Variants in ATOH8 observed in about 807,000 individuals in gnomAD.
ATOH8 encodes the protein atonal bHLH transcription factor 8, also known as transcription factor ATOH8.
In ATOH8, 9 loss-of-function variants were observed where a neutral mutation model predicts 21.2. The observed-to-expected ratio is 0.42, with a 90% CI of 0.26 to 0.74. The LOEUF is 0.74. ATOH8 is among the 30% of genes least tolerant of loss of function. The pLI is 0.24. For synonymous variants in ATOH8, 253 were observed against 224.0 expected (o/e 1.13, Z -1.16); for missense variants, 524 against 470.9 (o/e 1.11, Z -1.04).
intron 2 of ATOH8, among the ~76,000 whole-genome samples, chr2:85,765,427 C>T (rs1449655434): frequency 2.6e-5 from 4 of 152,224 alleles, no homozygotes; most frequent in African/African-American, 9.7e-5. Context: ...GGTAACTGCA[C>T]GTTGCATTCC....
At chr2:85,780,231 A>G (rs946940176) in intron 2 of ATOH8, 6 of 152,210 alleles carry the variant, frequency 3.9e-5, no homozygotes, top group African/African-American at 9.7e-5. Context: ...TGTGGAGTAC[A>G]TGGTAGGTGC....
Position 85,759,603 on chromosome 2 carries a change from G to A in ATOH8, c.769-4388G>A, listed in dbSNP as rs116503149. On this transcript the variant is annotated intron_variant, in intron 1 of 2. Transcript: ENST00000306279. Reference sequence around the variant, plus strand: ...AGCCTGGTGGCAGTGCAGGAGGCTGGGATTTTAAAGAACCTATTTAGATAG... The same window carrying A: ...AGCCTGGTGGCAGTGCAGGAGGCTGAGATTTTAAAGAACCTATTTAGATAG... Among the ~76,000 whole-genome samples the A allele has an allele frequency of 4.4e-3, 671 of 152,188 alleles. 5 individuals carry two copies. Among genetic ancestry groups the A allele is most frequent in the African/African-American group, 0.015 (628 of 41,506 alleles).
At chr2:85,774,582 C>T in intron 2 of ATOH8, 2 of 985,630 alleles carry the variant, frequency 2.0e-6, no homozygotes, top group Non-Finnish European at 2.4e-6. Flanking sequence ...CCTGTCTTAG[C>T]TGCCCTGGCT....
intron 1 of ATOH8, among the ~76,000 whole-genome samples, chr2:85,763,651 C>T (rs1232203283): frequency 6.6e-6 from 1 of 152,166 alleles, no homozygotes; most frequent in Admixed American, 6.5e-5. Context: ...AAATGCCTCT[C>T]AGGAATCTCA....
At chr2:85,757,217 A>G (rs1679729305) in intron 1 of ATOH8, among the ~76,000 whole-genome samples, 1 of 152,252 alleles carries the variant, frequency 6.6e-6, no homozygotes, top group African/African-American at 2.4e-5. Flanking sequence ...AAGGAAAGAA[A>G]TACAGCCAGG....
Position 85,790,748 on chromosome 2 carries a change from TTGCCGGTG to T in ATOH8, c.*3859_*3866del, listed in dbSNP as rs1426822660. 1.3e-5 allele frequency among the ~76,000 whole-genome samples: 2 copies of T among 152,194 alleles called. No individual in the cohort carries two copies. The highest frequency in any genetic ancestry group is 2.9e-5 in the Non-Finnish European group (2 of 68,026). ...ACAGAGCTCCTCTGTGCTCAAGAGC[TTGCCGGTG>T]AGCCTGGACGGAGGCATAGGTGCAG... On this transcript the variant is annotated 3_prime_UTR_variant, in exon 3 of 3. Coordinates refer to ENST00000306279, the MANE Select transcript of ATOH8 (RefSeq NM_032827.7).
Position 85,787,052 on chromosome 2 carries a change from C to T in ATOH8, c.*162C>T, listed in dbSNP as rs554540973. On this transcript the variant is annotated 3_prime_UTR_variant, in exon 3 of 3. Transcript: ENST00000306279. ...GTCGGATCGGAGCACGCCTGCCTCC[C>T]TCTCCCCTCCGCCCTCACCCAGCCA... 1.2e-6 allele frequency: 1 copy of T among 853,326 alleles called. No individual in the cohort carries two copies. Among genetic ancestry groups the T allele is most frequent in the East Asian group, 2.7e-5 (1 of 36,944 alleles). The allele number at this position is 853,326 out of a possible 1,614,324, so 52.9% of individuals were successfully genotyped here.
chr2:85,784,932 G>C lies in ATOH8; in HGVS notation c.961-1953G>C, dbSNP rs572570235. 1.5e-4 allele frequency among the ~76,000 whole-genome samples: 23 copies of C among 152,360 alleles called. 1 individual carries two copies. The Middle Eastern group carries it at 0.017, about 113-fold the overall frequency. On this transcript the variant is annotated intron_variant, in intron 2 of 2. Transcript: ENST00000306279. ...ATGTATGTGCTGAGATTCTTGGACC[G>C]AGGTGGTGGTGGTCCAGTGTAGACG... is the stretch of plus-strand genomic sequence containing the variant.
chr2:85,765,984 C>T (rs138233519), intron 2 of ATOH8, among the ~76,000 whole-genome samples: 68 of 152,290 alleles, frequency 4.5e-4, no homozygotes, highest in African/African-American at 1.5e-3. Context: ...TGGTTAAGAG[C>T]ATAGCACAGC....
intron 2 of ATOH8, among the ~76,000 whole-genome samples, chr2:85,767,087 T>C (rs1027785683): frequency 4.6e-5 from 7 of 152,156 alleles, no homozygotes; most frequent in African/African-American, 1.2e-4. Context: ...CATCTTTAGA[T>C]GTGTCCTGGC....
At position 85,788,237 on chromosome 2, in the gene ATOH8, C is replaced by T. The variant is rs1370256337; in HGVS notation, c.*1347C>T. On this transcript the variant is annotated 3_prime_UTR_variant, in exon 3 of 3. Coordinates refer to ENST00000306279, the MANE Select transcript of ATOH8 (RefSeq NM_032827.7). ...TGTGGAAGGGGGTGGAGGGCGGTTC[C>T]CACAGTAGTCTCAGCCTGGACTAGT... 2.6e-5 allele frequency among the ~76,000 whole-genome samples: 4 copies of T among 151,824 alleles called. No homozygotes were observed. The highest frequency in any genetic ancestry group is 5.9e-5 in the Non-Finnish European group (4 of 67,952).
chr2:85,764,290 A>G (rs1259519464), intron 2 of ATOH8, 108 bp downstream of exon 2: 1 of 1,406,282 alleles, frequency 7.1e-7, no homozygotes, highest in East Asian at 2.4e-5. Flanking sequence ...GGCCAGAGAG[A>G]TCAGCTCTTG....
At chr2:85,778,596 G>A (rs916342539) in intron 2 of ATOH8, among the ~76,000 whole-genome samples, 2 of 152,214 alleles carry the variant, frequency 1.3e-5, no homozygotes, top group Non-Finnish European at 2.9e-5. Context: ...TCCGTCCTGG[G>A]AGTCTCCTGG....
chr2:85,779,209 A>G (rs909485735), intron 2 of ATOH8, among the ~76,000 whole-genome samples: 5 of 152,256 alleles, frequency 3.3e-5, no homozygotes, highest in Non-Finnish European at 5.9e-5. Context: ...ACAGCATCGC[A>G]GGATGGAAGC....
intron 2 of ATOH8, among the ~76,000 whole-genome samples, chr2:85,782,531 A>G (rs1448124163): frequency 1.3e-5 from 2 of 152,216 alleles, no homozygotes; most frequent in African/African-American, 4.8e-5. Context: ...AACAATTACC[A>G]CAACTTCCCT....
chr2:85,764,854 C>G (rs1211274339), intron 2 of ATOH8, among the ~76,000 whole-genome samples: 1 of 152,176 alleles, frequency 6.6e-6, no homozygotes, highest in African/African-American at 2.4e-5. Context: ...GATTCACTCC[C>G]TGCCCACGGG....
chr2:85,776,113 C>T (rs1680312978), intron 2 of ATOH8, among the ~76,000 whole-genome samples: 1 of 152,222 alleles, frequency 6.6e-6, no homozygotes, highest in Non-Finnish European at 1.5e-5. Context: ...CTCCTGGGGT[C>T]CACATTATTA....
In ATOH8 at chr2:85,789,714, C is replaced by T; in HGVS notation, c.*2824C>T. The stretch of plus-strand genomic sequence containing the variant: ...TGGTCATTGGGATTTTTACAAGCTC[C>T]TCAAGTGATCTTAATGTGCAGGCAA... On this transcript the variant is annotated 3_prime_UTR_variant, in exon 3 of 3. Transcript: ENST00000306279. Among the ~76,000 whole-genome samples the T allele has an allele frequency of 6.6e-6, 1 of 152,178 alleles. No individual in the cohort carries two copies. The highest frequency in any genetic ancestry group is 1.9e-4 in the East Asian group (1 of 5,200).
Position 85,754,331 on chromosome 2 carries a change from G to C in ATOH8, c.142G>C (p.Glu48Gln). ...NGYKTFRLDL[E>Q]APEPRAVATN... is the part of the protein sequence containing the mutation. ...CTATAAAACTTTCCGACTGGACTTG[G>C]AAGCGCCCGAGCCCCGCGCCGTAGC... The change falls in exon 1 of 3, where the codon GAA becomes CAA. Residue 48 changes from glutamate to glutamine, a missense_variant. Transcript: ENST00000306279. The C allele has an allele frequency of 6.2e-7, 1 of 1,609,146 alleles. No homozygotes were observed. Among genetic ancestry groups the C allele is most frequent in the East Asian group, 2.2e-5 (1 of 44,462 alleles).
Sources: allele counts gnomAD v4.1 joint callset (sites outside exome capture counted in the v4.1 genomes callset), GRCh38; gene constraint gnomAD v4.1.1; transcripts MANE v1.5; gene names NCBI Gene and HGNC (gene_info 2026-07-23, HGNC 2026-07-21).